The following ACACA variants were observed in gnomAD, a reference collection of about 807,000 sequenced individuals.
ACACA encodes acetyl-CoA carboxylase 1.
In ACACA, 103 loss-of-function variants were observed where a neutral mutation model predicts 296.1. The observed-to-expected ratio is 0.35, with a 90% CI of 0.30 to 0.41. The LOEUF is 0.41. Among genes scored for constraint, ACACA ranks in the 10% least tolerant of loss-of-function variants. The pLI, the probability that ACACA is intolerant of heterozygous loss-of-function variation, is 1.00. For missense variants in ACACA, 1,554 were observed against 2,989.7 expected (o/e 0.52, Z 11.20); for synonymous variants, 953 against 1,038.6 (o/e 0.92, Z 1.58).
At chr17:37,386,316 G>A (rs2050527424) in intron 1 of ACACA, among the ~76,000 whole-genome samples, 1 of 152,078 alleles carries the variant, frequency 6.6e-6, no homozygotes, top group Non-Finnish European at 1.5e-5. Flanking sequence ...TCTAGGCCGG[G>A]TGCTGTGGCT....
chr17:37,085,385 G>A lies in ACACA; in HGVS notation c.*1931C>T, dbSNP rs2072132255. Reference sequence around the variant, plus strand: ...GTGGGGAGAGGGGAGGTAAATGAGTGTAACCCACCCTGCCTCTGAAGACAT... The same window carrying A: ...GTGGGGAGAGGGGAGGTAAATGAGTATAACCCACCCTGCCTCTGAAGACAT... On this transcript the variant is annotated 3_prime_UTR_variant, in exon 56 of 56. Transcript: ENST00000616317. 1 of 387,178 alleles carries A rather than the reference G, an allele frequency of 2.6e-6. No individual in the cohort carries two copies. Among genetic ancestry groups the A allele is most frequent in the Admixed American group, 4.5e-5 (1 of 22,312 alleles). The allele number at this position is 387,178 out of a possible 1,614,324, so 24.0% of individuals were successfully genotyped here.
At chr17:37,282,989 C>A (rs1598397659) in intron 5 of ACACA, among the ~76,000 whole-genome samples, 2 of 152,180 alleles carry the variant, frequency 1.3e-5, no homozygotes, top group Non-Finnish European at 2.9e-5. Context: ...ATATTTAACA[C>A]TGAAAAAGGC....
chr17:37,151,439 G>C lies in ACACA; in HGVS notation c.5448-18C>G. The C allele has an allele frequency of 1.2e-6, 2 of 1,612,952 alleles. No homozygotes were observed. The highest frequency in any genetic ancestry group is 1.7e-6 in the Non-Finnish European group (2 of 1,179,578). On this transcript the variant is annotated intron_variant, in intron 43 of 55. Transcript: ENST00000616317. ...TCTTGTACCTATTGGATATGGCCAT[G>C]TCAAATTATGAATGTTAAACACAGT...
rs1200838925 is a variant in ACACA at position 37,297,903 on chromosome 17, ATT to A, written c.339-12935_339-12934del. On this transcript the variant is annotated intron_variant, in intron 3 of 55. Coordinates refer to ENST00000616317, the MANE Select transcript of ACACA (RefSeq NM_198834.3). ...ATTTATACATGTATATACATAAAAA[ATT>A]TTGATACTATATTATATATATACAC... Among the ~76,000 whole-genome samples the A allele has an allele frequency of 2.6e-5, 4 of 152,042 alleles. No individual in the cohort carries two copies. The East Asian group carries it at 7.7e-4, about 29-fold the overall frequency.
intron 1 of ACACA, among the ~76,000 whole-genome samples, chr17:37,399,856 AAAT>A (rs1273695142): frequency 2.0e-5 from 3 of 152,084 alleles, no homozygotes; most frequent in African/African-American, 4.8e-5. Context: ...TTATTTTTAT[AAAT>A]AATGTTCTAA....
At chr17:37,162,742 G>A (rs189236714) in intron 41 of ACACA, 12 of 209,602 alleles carry the variant, frequency 5.7e-5, no homozygotes, top group Admixed American at 1.2e-4. Context: ...GTCAAGTCCC[G>A]TCTCTGGTAC....
chr17:37,107,555 G>A (rs2073760899), intron 52 of ACACA, among the ~76,000 whole-genome samples: 1 of 152,212 alleles, frequency 6.6e-6, no homozygotes, highest in South Asian at 2.1e-4. Flanking sequence ...GGCCTAGAAG[G>A]ACCAGGCAAG....
chr17:37,151,376 G>C lies in ACACA; in HGVS notation c.5493C>G (p.Pro1831=), dbSNP rs201991547. 305 of 1,613,874 alleles carry C rather than the reference G, an allele frequency of 1.9e-4. 4 individuals are homozygous for C. In the Middle Eastern group the frequency reaches 3.5e-3, roughly 18 times the overall value. The change falls in exon 44 of 56, where the codon CCC becomes CCG. Residue 1831 remains proline, a synonymous_variant. Transcript: ENST00000616317. ...TCATTCCAGAACCTCGAAGGTTCTC[G>C]GGTCCAATTCCCTCTTCTTTCCCAA... ...DIIGKEEGIG[P]ENLRGSGMIA... is the part of the protein sequence containing the mutation.
At chr17:37,251,923 A>C in intron 16 of ACACA, 82 bp downstream of exon 16, 1 of 1,287,752 alleles carries the variant, frequency 7.8e-7, no homozygotes, top group Non-Finnish European at 1.1e-6. Context: ...AATGGACAGA[A>C]GAATAAATGG....
chr17:37,219,492 C>A (rs1017606082), intron 29 of ACACA, among the ~76,000 whole-genome samples: 1 of 151,994 alleles, frequency 6.6e-6, no homozygotes, highest in African/African-American at 2.4e-5. Context: ...CCACTTATGG[C>A]CCCATCTGAA....
chr17:37,390,395 A>G (rs1389004790), intron 1 of ACACA, among the ~76,000 whole-genome samples: 16 of 128,720 alleles, frequency 1.2e-4, no homozygotes, highest in African/African-American at 4.8e-4. Context: ...TTGGGAGGCC[A>G]AGGCAGGTGG....
chr17:37,326,931 A>G (rs1235205575), intron 3 of ACACA, among the ~76,000 whole-genome samples: 3 of 152,102 alleles, frequency 2.0e-5, no homozygotes, highest in South Asian at 2.1e-4. Context: ...GGAAAAGTCT[A>G]TTTTCTATTT....
At chr17:37,178,004 T>C (rs900463896) in intron 41 of ACACA, among the ~76,000 whole-genome samples, 13 of 152,318 alleles carry the variant, frequency 8.5e-5, no homozygotes, top group African/African-American at 2.9e-4. Context: ...ACAAACTGCT[T>C]ATTATTTCCA....
intron 1 of ACACA, chr17:37,359,078 G>A (rs1052425541): frequency 4.3e-5 from 42 of 985,918 alleles, no homozygotes; most frequent in Non-Finnish European, 4.9e-5. Flanking sequence ...AGACGCCGGC[G>A]GCTCGGGCGA....
chr17:37,399,508 T>A (rs2051210246), intron 1 of ACACA, among the ~76,000 whole-genome samples: 2 of 152,180 alleles, frequency 1.3e-5, no homozygotes, highest in Admixed American at 6.5e-5. Flanking sequence ...GTCCTGTACA[T>A]TAGGCAGAAA....
intron 35 of ACACA, among the ~76,000 whole-genome samples, chr17:37,195,528 T>G (rs932354451): frequency 7.2e-5 from 11 of 152,130 alleles, no homozygotes; most frequent in Non-Finnish European, 1.3e-4. Flanking sequence ...CAACTTTTTT[T>G]TTTTAAACTT....
At chr17:37,361,069 C>T (rs1278419248) in intron 1 of ACACA, among the ~76,000 whole-genome samples, 3 of 145,346 alleles carry the variant, frequency 2.1e-5, no homozygotes, top group African/African-American at 5.3e-5. Context: ...GATGGAGTCT[C>T]GCTCTGTCGC....
intron 54 of ACACA, among the ~76,000 whole-genome samples, chr17:37,091,663 C>G (rs955639303): frequency 6.6e-6 from 1 of 151,962 alleles, no homozygotes; most frequent in African/African-American, 2.4e-5. Flanking sequence ...CATTGCAGCC[C>G]GAAACTCCTG....
intron 52 of ACACA, among the ~76,000 whole-genome samples, chr17:37,101,150 C>T (rs1464168341): frequency 6.7e-6 from 1 of 149,856 alleles, no homozygotes; most frequent in Non-Finnish European, 1.5e-5. Flanking sequence ...AAAGAAAATG[C>T]ATATGTGTGT....
Sources: gnomAD v4.1 joint callset for allele counts (sites outside exome capture counted in the v4.1 genomes callset) on GRCh38, gnomAD v4.1.1 for gene constraint, MANE v1.5 for transcripts, NCBI Gene and HGNC (gene_info 2026-07-23, HGNC 2026-07-21) for gene names.